The following PDE4D variants were observed in gnomAD, a reference collection of about 807,000 sequenced individuals.
PDE4D encodes the protein 3',5'-cyclic-AMP phosphodiesterase 4D.
Under a neutral mutation model 87.4 loss-of-function variants are expected in PDE4D, and 24 were observed. That is an observed-to-expected ratio of 0.27 (90% CI 0.20 to 0.39). PDE4D has a LOEUF of 0.39. Ranked by LOEUF, PDE4D falls within the 10% of genes least tolerant of loss-of-function variation. PDE4D has a pLI of 1.00. For missense variants in PDE4D, 714 were observed against 1,041.0 expected (o/e 0.69, Z 4.32); for synonymous variants, 384 against 383.2 (o/e 1.00, Z -0.02).
intron 1 of PDE4D, among the ~76,000 whole-genome samples, chr5:60,435,897 CA>C (rs1744722857): frequency 1.3e-5 from 2 of 151,846 alleles, no homozygotes. Context: ...TTAAACAGAA[CA>C]AAAAAGACAG....
intron 1 of PDE4D, among the ~76,000 whole-genome samples, chr5:60,190,685 G>A (rs772449949): frequency 6.6e-6 from 1 of 152,190 alleles, no homozygotes; most frequent in Non-Finnish European, 1.5e-5. Flanking sequence ...CATTGCTGTG[G>A]CTAGCTGATA....
intron 1 of PDE4D, among the ~76,000 whole-genome samples, chr5:60,400,705 G>A (rs1741003307): frequency 6.6e-6 from 1 of 151,978 alleles, no homozygotes; most frequent in Non-Finnish European, 1.5e-5. Context: ...GCCGAGTTGG[G>A]TGGATCACTT....
intron 1 of PDE4D, among the ~76,000 whole-genome samples, chr5:59,544,660 T>A (rs532895304): frequency 6.6e-6 from 1 of 152,290 alleles, no homozygotes; most frequent in African/African-American, 2.4e-5. Flanking sequence ...GTCTGGGAGA[T>A]TCTAAGCTAT....
intron 2 of PDE4D, among the ~76,000 whole-genome samples, chr5:60,167,511 G>T (rs546529703): frequency 6.6e-6 from 1 of 151,702 alleles, no homozygotes; most frequent in Non-Finnish European, 1.5e-5. Flanking sequence ...CTCGTGATCC[G>T]CCCGCCTCGG....
At chr5:59,446,157 C>T (rs1364919070) in intron 1 of PDE4D, among the ~76,000 whole-genome samples, 3 of 152,050 alleles carry the variant, frequency 2.0e-5, no homozygotes, top group South Asian at 2.1e-4. Flanking sequence ...TATTATATAA[C>T]ATATACAATC....
At chr5:59,154,724 A>C (rs553286497) in intron 5 of PDE4D, among the ~76,000 whole-genome samples, 5 of 152,274 alleles carry the variant, frequency 3.3e-5, no homozygotes, top group African/African-American at 1.2e-4. Flanking sequence ...TGTCTCTACT[A>C]AAAATACAAA....
At chr5:58,987,714 T>G (rs1408937091) in intron 11 of PDE4D, among the ~76,000 whole-genome samples, 1 of 152,202 alleles carries the variant, frequency 6.6e-6, no homozygotes, top group Admixed American at 6.5e-5. Context: ...TAAAAGTGAA[T>G]TTATGATTTT....
Position 58,974,587 on chromosome 5 carries a change from G to C in PDE4D, c.*77C>G, listed in dbSNP as rs1580010557. 1 of 1,330,014 alleles carries C rather than the reference G, an allele frequency of 7.5e-7. No individual in the cohort carries two copies. The highest frequency in any genetic ancestry group is 1.0e-6 in the Non-Finnish European group (1 of 971,274). The allele number at this position is 1,330,014 out of a possible 1,614,324, so 82.4% of individuals were successfully genotyped here. A position where few individuals can be genotyped will look rare whatever the true frequency, so the allele number is the denominator to read the frequency against. On this transcript the variant is annotated 3_prime_UTR_variant, in exon 15 of 15. Coordinates refer to ENST00000340635, the MANE Select transcript of PDE4D (RefSeq NM_001104631.2). ...GCAGATGACAGTGAGGTGTGACCGT[G>C]GTTGTGGCATGTGACATGCACTTTG...
At chr5:58,994,702 C>A (rs1411783018) in intron 6 of PDE4D, among the ~76,000 whole-genome samples, 3 of 152,114 alleles carry the variant, frequency 2.0e-5, no homozygotes, top group Non-Finnish European at 4.4e-5. Flanking sequence ...TAACTCTATA[C>A]CGTTTGCTAA....
chr5:59,301,191 A>G (rs1770176533), intron 1 of PDE4D, among the ~76,000 whole-genome samples: 1 of 152,022 alleles, frequency 6.6e-6, no homozygotes, highest in Non-Finnish European at 1.5e-5. Context: ...CTTAAAAGCC[A>G]CAATCAGAAA....
intron 2 of PDE4D, among the ~76,000 whole-genome samples, chr5:60,077,620 G>C (rs1562063749): frequency 6.6e-6 from 1 of 152,124 alleles, no homozygotes; most frequent in South Asian, 2.1e-4. Context: ...CAGAGTTCAG[G>C]TGACAGTTCC....
intron 1 of PDE4D, among the ~76,000 whole-genome samples, chr5:59,731,216 G>A (rs1430658777): frequency 9.0e-6 from 1 of 111,516 alleles, no homozygotes; most frequent in Non-Finnish European, 1.7e-5. Context: ...AAGGTAGCTG[G>A]GTTTATATAA....
chr5:60,460,144 C>T, intron 1 of PDE4D: 2 of 1,599,276 alleles, frequency 1.3e-6, no homozygotes, highest in African/African-American at 1.3e-5. Flanking sequence ...CCTCTTCCTG[C>T]TGGCTTTATT....
At chr5:60,313,108 C>CA (rs893802461) in intron 1 of PDE4D, among the ~76,000 whole-genome samples, 7 of 148,798 alleles carry the variant, frequency 4.7e-5, no homozygotes, top group Admixed American at 1.3e-4. Flanking sequence ...AAATGCAAAA[C>CA]AAAAAAAATT....
At chr5:58,986,564 C>T (rs991637609) in intron 11 of PDE4D, among the ~76,000 whole-genome samples, 14 of 152,168 alleles carry the variant, frequency 9.2e-5, no homozygotes, top group Admixed American at 5.9e-4. Context: ...CTCCTAGGAG[C>T]GTGAACCCTA....
intron 1 of PDE4D, among the ~76,000 whole-genome samples, chr5:59,881,158 T>C (rs878930492): frequency 6.6e-6 from 1 of 152,206 alleles, no homozygotes; most frequent in Non-Finnish European, 1.5e-5. Context: ...TTTTGGGTCT[T>C]AATGTCATGC....
chr5:60,293,471 G>A (rs535003353), intron 1 of PDE4D, among the ~76,000 whole-genome samples: 68 of 152,102 alleles, frequency 4.5e-4, no homozygotes, highest in Admixed American at 8.5e-4. Flanking sequence ...CAGAGACGGC[G>A]CCACTGCACT....
chr5:59,754,498 C>T (rs1195260004), intron 1 of PDE4D, among the ~76,000 whole-genome samples: 1 of 152,096 alleles, frequency 6.6e-6, no homozygotes, highest in Non-Finnish European at 1.5e-5. Context: ...GGGCCTTGTG[C>T]TGGATTGAAT....
chr5:60,089,259 G>C (rs1262022670), intron 2 of PDE4D, among the ~76,000 whole-genome samples: 2 of 151,894 alleles, frequency 1.3e-5, no homozygotes, highest in Non-Finnish European at 2.9e-5. Flanking sequence ...AACAGCACAT[G>C]GAACATTCTC....
Sources: allele counts gnomAD v4.1 joint callset (sites outside exome capture counted in the v4.1 genomes callset), GRCh38; gene constraint gnomAD v4.1.1; transcripts MANE v1.5; gene names NCBI Gene and HGNC (gene_info 2026-07-23, HGNC 2026-07-21).